Variants in WDR27 observed in about 807,000 individuals in gnomAD.
WDR27 encodes WD repeat domain 27.
In WDR27, 100 loss-of-function variants were observed where a neutral mutation model predicts 114.4. That is an observed-to-expected ratio of 0.87 (90% CI 0.74 to 1.03). The LOEUF is 1.03. Among genes scored for constraint, WDR27 ranks in the 50% least tolerant of loss-of-function variants. The pLI is 0.00. For synonymous variants in WDR27, 449 were observed against 423.1 expected, an observed-to-expected ratio of 1.06 and a Z score of -0.75; for missense variants, 1,129 against 1,092.9, an observed-to-expected ratio of 1.03 and a Z score of -0.47.
chr6:169,545,479 T>C (rs961039282), intron 25 of WDR27, among the ~76,000 whole-genome samples: 14 of 152,202 alleles, frequency 9.2e-5, no homozygotes, highest in African/African-American at 3.4e-4. Flanking sequence ...GTGGATCACT[T>C]GAGCCCAGGA....
At chr6:169,444,963 T>G in the WDR27 span, among the ~76,000 whole-genome samples, 1 of 152,094 alleles carries the variant, frequency 6.6e-6, no homozygotes, top group Non-Finnish European at 1.5e-5. Flanking sequence ...ATCCCTTACC[T>G]GTAAGCTCAG....
chr6:169,626,540 T>C (rs1041489258), intron 21 of WDR27, among the ~76,000 whole-genome samples: 1 of 152,148 alleles, frequency 6.6e-6, no homozygotes, highest in African/African-American at 2.4e-5. Context: ...GGGGAACACC[T>C]TCCCTGACCC....
intron 25 of WDR27, among the ~76,000 whole-genome samples, chr6:169,566,677 G>A (rs1800556473): frequency 6.6e-6 from 1 of 152,074 alleles, no homozygotes; most frequent in East Asian, 1.9e-4. Flanking sequence ...AGAGACTACT[G>A]GAGCACTCAC....
the WDR27 span, among the ~76,000 whole-genome samples, chr6:169,439,847 C>T: frequency 0.97 from 146,281 of 151,442 alleles, 70,670 homozygotes; most frequent in East Asian, 0.99. Flanking sequence ...CAATTATAAT[C>T]GTTAATTATA....
intron 24 of WDR27, among the ~76,000 whole-genome samples, chr6:169,582,337 C>T (rs1220918434): frequency 3.9e-5 from 6 of 152,158 alleles, no homozygotes; most frequent in African/African-American, 1.4e-4. Context: ...GAAGACCATT[C>T]ATTTTTATAT....
intron 25 of WDR27, among the ~76,000 whole-genome samples, chr6:169,463,750 C>A (rs1387548053): frequency 6.6e-6 from 1 of 152,034 alleles, no homozygotes; most frequent in Non-Finnish European, 1.5e-5. Flanking sequence ...TAACAATGAG[C>A]AATCTGAAAC....
At chr6:169,558,398 C>T (rs1156802168) in intron 25 of WDR27, 1 of 152,090 alleles carries the variant, frequency 6.6e-6, no homozygotes, top group East Asian at 1.9e-4. Context: ...AGGCTGGAAA[C>T]AGAGCCAGGT....
intron 25 of WDR27, among the ~76,000 whole-genome samples, chr6:169,539,139 A>C (rs1210407612): frequency 6.6e-6 from 1 of 152,146 alleles, no homozygotes; most frequent in African/African-American, 2.4e-5. Context: ...TTTTGTACTA[A>C]CAGTGTACAA....
chr6:169,516,569 C>T (rs185481411), intron 25 of WDR27, among the ~76,000 whole-genome samples: 17 of 152,080 alleles, frequency 1.1e-4, no homozygotes, highest in Admixed American at 1.1e-3. Flanking sequence ...TTGGGGAAGA[C>T]GATGTACAAA....
At chr6:169,600,597 A>C (rs1807778224) in intron 23 of WDR27, among the ~76,000 whole-genome samples, 1 of 152,234 alleles carries the variant, frequency 6.6e-6, no homozygotes, top group South Asian at 2.1e-4. Flanking sequence ...AACTAGAATT[A>C]CCAATGCAGA....
At position 169,701,745 on chromosome 6, in the gene WDR27, T is replaced by C. The variant is rs1137523; in HGVS notation, c.-202A>G. 44,910 of 231,062 alleles carry C rather than the reference T, an allele frequency of 0.19. 5,592 individuals carry two copies. The highest frequency in any genetic ancestry group is 0.64 in the East Asian group (3,563 of 5,558). 14.3% of individuals were successfully genotyped at this position (231,062 alleles called of 1,614,324 possible). The stretch of plus-strand genomic sequence containing the variant: ...TGGTCCAGAGCGCGCGTGTCCGCCG[T>C]TGGAAGCGGTCACGGCGGAACCCTC... On this transcript the variant is annotated 5_prime_UTR_variant, in exon 1 of 26. Coordinates refer to ENST00000448612, the MANE Select transcript of WDR27 (RefSeq NM_182552.5).
At chr6:169,527,989 G>T (rs940364516) in intron 25 of WDR27, among the ~76,000 whole-genome samples, 1 of 152,046 alleles carries the variant, frequency 6.6e-6, no homozygotes, top group Admixed American at 6.5e-5. Flanking sequence ...TAATAAGGAA[G>T]AAATGATTCC....
At chr6:169,467,380 T>C (rs1342955131) in intron 25 of WDR27, among the ~76,000 whole-genome samples, 1 of 152,212 alleles carries the variant, frequency 6.6e-6, no homozygotes, top group African/African-American at 2.4e-5. Context: ...TGCACTGTCC[T>C]AGTAGGGGTT....
intron 25 of WDR27, among the ~76,000 whole-genome samples, chr6:169,476,828 C>CCAAT (rs1430529989): frequency 6.6e-6 from 1 of 152,118 alleles, no homozygotes; most frequent in African/African-American, 2.4e-5. Context: ...GTTATAATAG[C>CCAAT]ATAATAATTC....
chr6:169,695,063 A>G (rs1218579583), intron 1 of WDR27, among the ~76,000 whole-genome samples: 1 of 152,266 alleles, frequency 6.6e-6, no homozygotes, highest in Non-Finnish European at 1.5e-5. Flanking sequence ...CAGGATGTGG[A>G]TGCTAAGACA....
chr6:169,538,012 A>T (rs868351590), intron 25 of WDR27, among the ~76,000 whole-genome samples: 42 of 152,134 alleles, frequency 2.8e-4, no homozygotes, highest in African/African-American at 8.4e-4. Flanking sequence ...ATTTTCTTCA[A>T]AATAAATTGG....
At chr6:169,492,672 A>T (rs936153789) in intron 25 of WDR27, among the ~76,000 whole-genome samples, 3 of 152,072 alleles carry the variant, frequency 2.0e-5, no homozygotes, top group African/African-American at 7.2e-5. Context: ...GAAAAAAAAA[A>T]TTATGAAATG....
chr6:169,679,049 T>C (rs1780797897), intron 2 of WDR27, among the ~76,000 whole-genome samples: 1 of 151,634 alleles, frequency 6.6e-6, no homozygotes, highest in Non-Finnish European at 1.5e-5. Context: ...TCTATCGATC[T>C]CAGATCTTTA....
At chr6:169,660,192 T>TGGGGGGGGGGGGGGGGG (rs1825664509) in intron 10 of WDR27, among the ~76,000 whole-genome samples, 1 of 2,002 alleles carries the variant, frequency 5.0e-4, no homozygotes. Flanking sequence ...ATGGGGGTCT[T>TGGGGGGGGGGGGGGGGG]GGGGGAGGGG....
Sources: allele counts gnomAD v4.1 joint callset (sites outside exome capture counted in the v4.1 genomes callset), GRCh38; gene constraint gnomAD v4.1.1; transcripts MANE v1.5; gene names NCBI Gene and HGNC (gene_info 2026-07-23, HGNC 2026-07-21).